PCDHA3: variants seen among roughly 807,000 people sequenced by gnomAD.
PCDHA3 encodes protocadherin alpha-3.
In PCDHA3, 41 loss-of-function variants were observed where a neutral mutation model predicts 62.2. The ratio of observed to expected loss-of-function variants is 0.66; its 90% CI spans 0.51 to 0.86. PCDHA3 has a LOEUF of 0.86. PCDHA3 is among the 40% of genes least tolerant of loss of function. The pLI is 0.00. For missense variants in PCDHA3, 1,304 were observed against 1,241.2 expected (o/e 1.05, Z -0.76); for synonymous variants, 640 against 555.4 (o/e 1.15, Z -2.14).
intron 3 of PCDHA3, among the ~76,000 whole-genome samples, chr5:140,990,735 C>T (rs1554251705): frequency 6.6e-6 from 1 of 152,112 alleles, no homozygotes; most frequent in African/African-American, 2.4e-5. Flanking sequence ...ATATCAACAG[C>T]CCTAGGGTGG....
intron 1 of PCDHA3, chr5:140,861,573 G>T: frequency 2.7e-6 from 1 of 368,992 alleles, no homozygotes. Context: ...GCTGCTACAG[G>T]TTTTCCATGT....
At chr5:140,883,522 A>G in intron 1 of PCDHA3, 1 of 1,614,220 alleles carries the variant, frequency 6.2e-7, no homozygotes, top group Middle Eastern at 1.7e-4. Flanking sequence ...GCGAGAGCGT[A>G]TCAGCCTATG....
At chr5:140,917,330 AG>A (rs1425400137) in intron 1 of PCDHA3, among the ~76,000 whole-genome samples, 1,705 of 103,254 alleles carry the variant, frequency 0.017, 125 homozygotes, top group African/African-American at 0.055. Context: ...GTGGCGGGGG[AG>A]GGGGGGGATG....
intron 1 of PCDHA3, chr5:140,815,403 C>G (rs1327128573): frequency 6.6e-6 from 1 of 151,940 alleles, no homozygotes; most frequent in African/African-American, 2.4e-5. Context: ...TTTTAAAACT[C>G]TTATAAAAAT....
At chr5:140,861,739 G>A (rs2047048069) in intron 1 of PCDHA3, 3 of 159,798 alleles carry the variant, frequency 1.9e-5, no homozygotes, top group Admixed American at 1.3e-4. Context: ...CTTACATACT[G>A]TGCCGCAATG....
intron 3 of PCDHA3, among the ~76,000 whole-genome samples, chr5:140,997,872 C>G (rs1053678533): frequency 6.6e-6 from 1 of 152,094 alleles, no homozygotes; most frequent in African/African-American, 2.4e-5. Context: ...TGCATGCTTG[C>G]TAGTATTTAT....
At chr5:140,910,037 C>G (rs1290917830) in intron 1 of PCDHA3, among the ~76,000 whole-genome samples, 1 of 152,198 alleles carries the variant, frequency 6.6e-6, no homozygotes, top group Non-Finnish European at 1.5e-5. Context: ...ATAAATCCCA[C>G]TTGGTCATAA....
chr5:140,801,518 G>T lies in PCDHA3; in HGVS notation c.321G>T (p.Glu107Asp). The T allele has an allele frequency of 6.2e-7, 1 of 1,614,214 alleles. No homozygotes were observed. The highest frequency in any genetic ancestry group is 8.5e-7 in the Non-Finnish European group (1 of 1,180,048). Residue 107 changes from glutamate to aspartate, a missense_variant, in exon 1 of 4, where the codon GAG becomes GAT. Physicochemically the swap from Glu to Asp is conservative, Grantham distance 45 (BLOSUM62 2). Transcript: ENST00000522353. ...GCGCGGAGTGCAGCATCCACCTGGA[G>T]GTGATCGTGGACAGGCCGCTGCAGG... ...GRSAECSIHLEVIVDRPLQVF... is the reference protein window; with the variant it reads ...GRSAECSIHLDVIVDRPLQVF...
rs529251467 is a variant in PCDHA3 at position 140,953,424 on chromosome 5, T to C, written c.2395-25525T>C. The stretch of plus-strand genomic sequence containing the variant: ...TGTTGCTCCTGGCTCCTCCCCTTTG[T>C]CCTTAAGCTGGAGAAACTAGGGATT... On this transcript the variant is annotated intron_variant, in intron 1 of 3. Transcript: ENST00000522353. 2.6e-5 allele frequency among the ~76,000 whole-genome samples: 4 copies of C among 152,230 alleles called. No individual in the cohort carries two copies. In the East Asian group the frequency reaches 7.7e-4, roughly 29 times the overall value.
intron 1 of PCDHA3, among the ~76,000 whole-genome samples, chr5:140,962,185 C>T (rs782495435): frequency 6.6e-5 from 10 of 152,126 alleles, no homozygotes; most frequent in Non-Finnish European, 1.3e-4. Flanking sequence ...ACTTATATCA[C>T]TTTTATGCTT....
chr5:140,972,621 G>T (rs1278363112), intron 1 of PCDHA3, among the ~76,000 whole-genome samples: 1 of 148,458 alleles, frequency 6.7e-6, no homozygotes, highest in South Asian at 2.1e-4. Flanking sequence ...ACTGAATGTT[G>T]TTGGCACTCC....
chr5:140,862,807 C>A, intron 1 of PCDHA3: 1 of 572,850 alleles, frequency 1.7e-6, no homozygotes. Flanking sequence ...GGAGCTGCTG[C>A]AGTTCTAGGT....
At chr5:140,895,892 A>G (rs1554186717) in intron 1 of PCDHA3, among the ~76,000 whole-genome samples, 1 of 152,080 alleles carries the variant, frequency 6.6e-6, no homozygotes, top group East Asian at 1.9e-4. Flanking sequence ...GCTCACTGCA[A>G]CCTCCGCGTC....
intron 1 of PCDHA3, among the ~76,000 whole-genome samples, chr5:140,909,492 C>T (rs955748526): frequency 4.6e-5 from 7 of 152,160 alleles, no homozygotes; most frequent in East Asian, 3.9e-4. Context: ...GAGAGCTGAA[C>T]GGGGATGTGG....
rs574140858 is a variant in PCDHA3 at position 140,929,782 on chromosome 5, A to C, written c.2395-49167A>C. On this transcript the variant is annotated intron_variant, in intron 1 of 3. Coordinates refer to ENST00000522353, the MANE Select transcript of PCDHA3 (RefSeq NM_018906.3). The stretch of plus-strand genomic sequence containing the variant: ...GACGATAACCACAAAAGATGTAAAA[A>C]TAAATTACAATGGGGGTTAAAAGAA... The C allele has an allele frequency of 1.8e-5, 3 of 168,346 alleles. No individual in the cohort carries two copies. The Admixed American group carries it at 1.9e-4, about 11-fold the overall frequency. 10.4% of individuals were successfully genotyped at this position (168,346 alleles called of 1,614,324 possible). A position where few individuals can be genotyped will look rare whatever the true frequency, so the allele number is the denominator to read the frequency against.
At chr5:140,841,883 G>T in intron 1 of PCDHA3, 1 of 1,613,836 alleles carries the variant, frequency 6.2e-7, no homozygotes, top group East Asian at 2.2e-5. Context: ...AAAGAACGAT[G>T]AGAATAAACT....
At position 140,802,284 on chromosome 5, in the gene PCDHA3, T is replaced by A. The variant is rs1323608017; in HGVS notation, c.1087T>A (p.Ser363Thr). Residue 363 changes from serine to threonine, a missense_variant, in exon 1 of 4, where the codon TCT becomes ACT. Physicochemically the swap from Ser to Thr is moderately conservative, Grantham distance 58. Coordinates refer to ENST00000522353, the MANE Select transcript of PCDHA3 (RefSeq NM_018906.3). The stretch of plus-strand genomic sequence containing the variant: ...ACTATCTTTACCTGTATTAGAAGAC[T>A]CTCCACTTAGCACAGTCATCGCTCT... ...QSLSLPVLED[S>T]PLSTVIALIS... is the part of the protein sequence containing the mutation. 4.3e-6 allele frequency: 7 copies of A among 1,614,126 alleles called. No individual in the cohort carries two copies. The Admixed American group carries it at 1.2e-4, about 27-fold the overall frequency.
chr5:140,810,093 A>G (rs1764598574), intron 1 of PCDHA3: 1 of 153,468 alleles, frequency 6.5e-6, no homozygotes, highest in African/African-American at 2.4e-5. Context: ...GACTTGCACA[A>G]CATGTATTGT....
intron 1 of PCDHA3, chr5:140,822,151 A>C (rs2150114092): frequency 3.1e-6 from 5 of 1,614,248 alleles, no homozygotes; most frequent in Non-Finnish European, 4.2e-6. Context: ...GAAGGACATC[A>C]ATGACAATCC....
Sources: gnomAD v4.1 joint callset for allele counts (sites outside exome capture counted in the v4.1 genomes callset) on GRCh38, gnomAD v4.1.1 for gene constraint, MANE v1.5 for transcripts, NCBI Gene and HGNC (gene_info 2026-07-23, HGNC 2026-07-21) for gene names.